Variants in SNX29 observed in about 807,000 individuals in gnomAD.
SNX29 encodes the protein sorting nexin 29, also known as sorting nexin-29.
SNX29 carries 78 observed loss-of-function variants against 102.1 expected under a neutral mutation model. That is an observed-to-expected ratio of 0.76 (90% CI 0.64 to 0.92). SNX29 has a LOEUF of 0.92. Among genes scored for constraint, SNX29 ranks in the 40% least tolerant of loss-of-function variants. The pLI is 0.00. For missense variants in SNX29, 1,280 were observed against 1,061.7 expected (o/e 1.21, Z -2.86); for synonymous variants, 580 against 414.5 (o/e 1.40, Z -4.85).
chr16:12,495,732 C>T (rs569821215), intron 19 of SNX29, among the ~76,000 whole-genome samples: 115 of 152,286 alleles, frequency 7.6e-4, no homozygotes, highest in Non-Finnish European at 1.2e-3. Flanking sequence ...GGCTGGGAGT[C>T]TCCTGTGAGG....
At chr16:12,329,342 A>C (rs542845684) in intron 15 of SNX29, among the ~76,000 whole-genome samples, 1 of 151,202 alleles carries the variant, frequency 6.6e-6, no homozygotes, top group South Asian at 2.1e-4. Context: ...TCAGCAGCTT[A>C]GCAACTGTAG....
intron 13 of SNX29, among the ~76,000 whole-genome samples, chr16:12,131,470 A>G (rs2054465236): frequency 6.6e-6 from 1 of 152,154 alleles, no homozygotes; most frequent in African/African-American, 2.4e-5. Flanking sequence ...GTGCAAAAGC[A>G]GCTTTTATTG....
At chr16:12,249,136 A>G (rs1311733092) in intron 14 of SNX29, among the ~76,000 whole-genome samples, 1 of 152,158 alleles carries the variant, frequency 6.6e-6, no homozygotes, top group Non-Finnish European at 1.5e-5. Context: ...TCAGGGTGTG[A>G]TGATTGAGGC....
chr16:12,255,015 G>A (rs1461987124), intron 14 of SNX29, among the ~76,000 whole-genome samples: 2 of 152,188 alleles, frequency 1.3e-5, no homozygotes. Flanking sequence ...CCCATCAGCT[G>A]TATTGAAGTA....
intron 15 of SNX29, among the ~76,000 whole-genome samples, chr16:12,299,911 C>T (rs772071755): frequency 1.7e-4 from 26 of 151,938 alleles, no homozygotes; most frequent in Admixed American, 7.9e-4. Flanking sequence ...TGCTCTGTCA[C>T]GCAGGCTGGA....
chr16:12,433,768 G>A (rs2085415144), intron 18 of SNX29, among the ~76,000 whole-genome samples: 1 of 152,130 alleles, frequency 6.6e-6, no homozygotes, highest in African/African-American at 2.4e-5. Context: ...AGGTTGCAGT[G>A]AGCTGAGATT....
At chr16:12,565,667 G>A (rs560656501) in intron 20 of SNX29, among the ~76,000 whole-genome samples, 46 of 152,278 alleles carry the variant, frequency 3.0e-4, no homozygotes, top group East Asian at 1.9e-3. Flanking sequence ...CTCAGTGCAC[G>A]TCCCGAGCTA....
chr16:12,074,308 C>T (rs1433937938), intron 10 of SNX29, among the ~76,000 whole-genome samples: 7 of 151,882 alleles, frequency 4.6e-5, no homozygotes, highest in South Asian at 2.1e-4. Flanking sequence ...TGGCTGGTAC[C>T]GGTTGTGCCT....
At chr16:12,233,235 A>G (rs551635779) in intron 14 of SNX29, among the ~76,000 whole-genome samples, 1 of 152,330 alleles carries the variant, frequency 6.6e-6, no homozygotes, top group South Asian at 2.1e-4. Context: ...TGGTACATAT[A>G]CACTATGGGA....
At chr16:11,999,608 A>G (rs993699124) in intron 2 of SNX29, among the ~76,000 whole-genome samples, 2 of 152,152 alleles carry the variant, frequency 1.3e-5, no homozygotes, top group African/African-American at 4.8e-5. Context: ...TGTCCCTTCA[A>G]GAAAGGCACT....
intron 20 of SNX29, among the ~76,000 whole-genome samples, chr16:12,537,100 C>T (rs1180762409): frequency 6.6e-6 from 1 of 152,224 alleles, no homozygotes; most frequent in East Asian, 1.9e-4. Context: ...CACCCACGGT[C>T]AGTCCCTTTC....
At chr16:12,235,748 A>T (rs2077907937) in intron 14 of SNX29, among the ~76,000 whole-genome samples, 1 of 152,102 alleles carries the variant, frequency 6.6e-6, no homozygotes, top group Admixed American at 6.6e-5. Flanking sequence ...CAGAAAACTT[A>T]AACACAATAA....
chr16:12,361,316 G>C (rs1250066472), intron 16 of SNX29, among the ~76,000 whole-genome samples: 5 of 152,232 alleles, frequency 3.3e-5, no homozygotes, highest in Non-Finnish European at 7.3e-5. Context: ...CATTTCTTAG[G>C]ACAGGTTCAG....
At chr16:12,338,334 ATGTTCAGAACCCTGGGGG>A (rs2081512392) in intron 15 of SNX29, among the ~76,000 whole-genome samples, 5 of 152,100 alleles carry the variant, frequency 3.3e-5, no homozygotes, top group African/African-American at 1.2e-4. Context: ...AACCCTGGGG[ATGTTCAGAACCCTGGGGG>A]TAAATAAGGA....
intron 15 of SNX29, among the ~76,000 whole-genome samples, chr16:12,339,390 AAAAAG>A (rs1353110126): frequency 6.0e-5 from 9 of 150,306 alleles, no homozygotes; most frequent in African/African-American, 2.2e-4. Context: ...AAAAAAAAAA[AAAAAG>A]ATTATGGGTA....
chr16:12,553,364 T>G (rs867520339), intron 20 of SNX29, among the ~76,000 whole-genome samples: 1 of 152,184 alleles, frequency 6.6e-6, no homozygotes, highest in African/African-American at 2.4e-5. Context: ...TCTCAGAGCT[T>G]GCCAGACATG....
At chr16:12,565,397 A>C (rs1247380722) in intron 20 of SNX29, among the ~76,000 whole-genome samples, 1 of 151,774 alleles carries the variant, frequency 6.6e-6, no homozygotes, top group African/African-American at 2.4e-5. Context: ...GGTGTCATCC[A>C]CTCAACTTGT....
At chr16:12,242,365 ATATTTT>A (rs2078131201) in intron 14 of SNX29, among the ~76,000 whole-genome samples, 2 of 133,248 alleles carry the variant, frequency 1.5e-5, no homozygotes, top group African/African-American at 2.9e-5. Flanking sequence ...ATATATATAT[ATATTTT>A]TTTTTTTTTT....
chr16:12,126,492 T>A (rs762836145), intron 11 of SNX29, 141 bp from the exon 12 acceptor site: 6 of 790,356 alleles, frequency 7.6e-6, no homozygotes, highest in Non-Finnish European at 1.0e-5. Flanking sequence ...TCTCTTAGAC[T>A]GTTATAGGAG....
Sources: gnomAD v4.1 joint callset for allele counts (sites outside exome capture counted in the v4.1 genomes callset) on GRCh38, gnomAD v4.1.1 for gene constraint, MANE v1.5 for transcripts, NCBI Gene and HGNC (gene_info 2026-07-23, HGNC 2026-07-21) for gene names.